PTPRD: variants seen among roughly 807,000 people sequenced by gnomAD.
PTPRD encodes protein tyrosine phosphatase receptor type D.
PTPRD carries 34 observed loss-of-function variants against 214.5 expected under a neutral mutation model. The observed-to-expected ratio is 0.16, with a 90% CI of 0.12 to 0.21. The LOEUF is 0.21. Ranked by LOEUF, PTPRD falls within the 10% of genes least tolerant of loss-of-function variation. The pLI, the probability that PTPRD is intolerant of heterozygous loss-of-function variation, is 1.00. For synonymous variants in PTPRD, 1,128 were observed against 845.7 expected (o/e 1.33, Z -5.79); for missense variants, 2,545 against 2,398.7 (o/e 1.06, Z -1.27).
chr9:8,346,373 T>G (rs941392325), intron 39 of PTPRD, among the ~76,000 whole-genome samples: 24 of 152,162 alleles, frequency 1.6e-4, no homozygotes, highest in African/African-American at 3.4e-4. Context: ...GCTCTTGAGG[T>G]GAAAACATCA....
chr9:9,992,583 A>C (rs1458654566), intron 4 of PTPRD, among the ~76,000 whole-genome samples: 1 of 152,236 alleles, frequency 6.6e-6, no homozygotes, highest in Admixed American at 6.5e-5. Context: ...GGGTTAAGAA[A>C]ATGTGGCACA....
intron 9 of PTPRD, among the ~76,000 whole-genome samples, chr9:9,220,246 A>C (rs977739335): frequency 8.6e-5 from 13 of 151,120 alleles, no homozygotes; most frequent in African/African-American, 3.2e-4. Context: ...TACTAAAAGC[A>C]CTATCTTTTA....
At chr9:10,283,944 A>T (rs540860579) in intron 3 of PTPRD, among the ~76,000 whole-genome samples, 2 of 151,988 alleles carry the variant, frequency 1.3e-5, no homozygotes, top group African/African-American at 4.8e-5. Flanking sequence ...CACAGGATGG[A>T]CTCCTATTCC....
intron 7 of PTPRD, among the ~76,000 whole-genome samples, chr9:9,718,495 C>T (rs2097874356): frequency 6.6e-6 from 1 of 152,114 alleles, no homozygotes; most frequent in Non-Finnish European, 1.5e-5. Context: ...GGTGGGAGCT[C>T]CTGCTCCCAG....
At chr9:9,336,557 A>C (rs1294513647) in intron 9 of PTPRD, among the ~76,000 whole-genome samples, 1 of 152,156 alleles carries the variant, frequency 6.6e-6, no homozygotes, top group Non-Finnish European at 1.5e-5. Flanking sequence ...ATTTCAACCC[A>C]TATTAAGCAA....
chr9:8,611,583 T>C (rs887812768), intron 14 of PTPRD, among the ~76,000 whole-genome samples: 5 of 151,912 alleles, frequency 3.3e-5, no homozygotes, highest in South Asian at 4.2e-4. Flanking sequence ...TGTGCACCTG[T>C]ATTCCCAGCT....
At chr9:9,022,393 T>A (rs989712135) in intron 10 of PTPRD, among the ~76,000 whole-genome samples, 6 of 152,106 alleles carry the variant, frequency 3.9e-5, no homozygotes, top group Non-Finnish European at 8.8e-5. Context: ...GGTGTACTAT[T>A]TTTTATCTTT....
intron 9 of PTPRD, among the ~76,000 whole-genome samples, chr9:9,336,563 A>G (rs2044563272): frequency 6.6e-6 from 1 of 152,074 alleles, no homozygotes; most frequent in South Asian, 2.1e-4. Flanking sequence ...ACCCATATTA[A>G]GCAAATTATT....
intron 2 of PTPRD, among the ~76,000 whole-genome samples, chr9:10,403,901 G>A (rs1290422129): frequency 6.6e-6 from 1 of 151,634 alleles, no homozygotes; most frequent in Non-Finnish European, 1.5e-5. Context: ...AAAATACTCT[G>A]TACGATACTA....
At chr9:8,740,573 A>G (rs746448267) in intron 11 of PTPRD, among the ~76,000 whole-genome samples, 13 of 152,224 alleles carry the variant, frequency 8.5e-5, no homozygotes, top group Non-Finnish European at 4.4e-5. Flanking sequence ...AAAACTATGA[A>G]AAACAACCAC....
intron 12 of PTPRD, among the ~76,000 whole-genome samples, chr9:8,677,343 A>G (rs1309059046): frequency 3.3e-5 from 5 of 152,210 alleles, no homozygotes; most frequent in Non-Finnish European, 5.9e-5. Context: ...CCAGCTATGA[A>G]AAAGAATGAG....
At chr9:9,409,526 A>C (rs1468402349) in intron 8 of PTPRD, among the ~76,000 whole-genome samples, 1 of 152,080 alleles carries the variant, frequency 6.6e-6, no homozygotes, top group Admixed American at 6.6e-5. Flanking sequence ...AACAGAAGTA[A>C]ATTCAAAAAA....
In PTPRD at chr9:9,259,382, C is replaced by T. The variant is rs570299533; in HGVS notation, c.-202-76019G>A. Among the ~76,000 whole-genome samples, 3 of 151,918 alleles carry T rather than the reference C, an allele frequency of 2.0e-5. No individual in the cohort carries two copies. In the East Asian group the frequency reaches 5.9e-4, roughly 30 times the overall value. On this transcript the variant is annotated intron_variant, in intron 9 of 45. Coordinates refer to ENST00000381196, the MANE Select transcript of PTPRD (RefSeq NM_002839.4). Reference sequence around the variant, plus strand: ...GGCTGGAAGGTAATTTAGTAATGTGCTTACAGGACATGTTTCTGGAGATTC... The same window carrying T: ...GGCTGGAAGGTAATTTAGTAATGTGTTTACAGGACATGTTTCTGGAGATTC...
intron 8 of PTPRD, among the ~76,000 whole-genome samples, chr9:9,471,795 G>A (rs1162367078): frequency 6.6e-6 from 1 of 151,970 alleles, no homozygotes; most frequent in East Asian, 1.9e-4. Flanking sequence ...TATATTTCAT[G>A]CAAAAATGCA....
chr9:9,886,213 C>A (rs145574394), intron 5 of PTPRD, among the ~76,000 whole-genome samples: 1 of 152,150 alleles, frequency 6.6e-6, no homozygotes, highest in East Asian at 1.9e-4. Flanking sequence ...ATTATCAATA[C>A]ATGTCTGGCT....
At chr9:9,051,890 C>T (rs533587491) in intron 10 of PTPRD, among the ~76,000 whole-genome samples, 2 of 152,238 alleles carry the variant, frequency 1.3e-5, no homozygotes, top group African/African-American at 4.8e-5. Context: ...TGCTCTATTG[C>T]TACAAAACAA....
intron 9 of PTPRD, among the ~76,000 whole-genome samples, chr9:9,305,131 G>A (rs1037162042): frequency 6.6e-6 from 1 of 150,988 alleles, no homozygotes; most frequent in South Asian, 2.1e-4. Context: ...TCCTCTTTCT[G>A]CACATTTCAG....
intron 2 of PTPRD, among the ~76,000 whole-genome samples, chr9:10,609,460 A>C (rs1173053514): frequency 6.6e-6 from 1 of 152,146 alleles, no homozygotes; most frequent in Non-Finnish European, 1.5e-5. Flanking sequence ...AGAACAGTTT[A>C]CACCAGTGGT....
chr9:9,510,728 T>C (rs544524797), intron 8 of PTPRD, among the ~76,000 whole-genome samples: 2 of 151,638 alleles, frequency 1.3e-5, no homozygotes, highest in African/African-American at 4.8e-5. Context: ...CTCACCATGA[T>C]CTCTTCAGGC....
Sources: gnomAD v4.1 joint callset for allele counts (sites outside exome capture counted in the v4.1 genomes callset) on GRCh38, gnomAD v4.1.1 for gene constraint, MANE v1.5 for transcripts, NCBI Gene and HGNC (gene_info 2026-07-23, HGNC 2026-07-21) for gene names.